The following TNIP3 variants were observed in gnomAD, a reference collection of about 807,000 sequenced individuals.
TNIP3 encodes TNFAIP3 interacting protein 3.
Under a neutral mutation model 54.1 loss-of-function variants are expected in TNIP3, and 34 were observed. The observed-to-expected ratio is 0.63, with a 90% CI of 0.48 to 0.84. The LOEUF (loss-of-function observed/expected upper bound fraction) is 0.84, where lower values mean the gene tolerates loss of function less well. TNIP3 is among the 40% of genes least tolerant of loss of function. The probability of loss-of-function intolerance (pLI) is 0.00; values close to 1 mark genes in which losing one functional copy is unlikely to be tolerated. For synonymous variants in TNIP3, 134 were observed against 136.8 expected (o/e 0.98, Z 0.14); for missense variants, 366 against 387.6 (o/e 0.94, Z 0.47).
chr4:121,150,128 G>A lies in TNIP3; in HGVS notation c.584C>T (p.Thr195Ile), dbSNP rs375269222. Residue 195 changes from threonine (T) to isoleucine (I), a missense_variant, in exon 6 of 11, where the codon ACA becomes ATA. Thr to Ile is a moderately conservative substitution (Grantham distance 89). Coordinates refer to ENST00000057513, the MANE Select transcript of TNIP3 (RefSeq NM_024873.6). ...CTGCTGCTTCAGAACTTCCATTTCTGTTCTCATCTCCTCATGGCAGAATTC... is the reference window on the plus strand; with the variant it reads ...CTGCTGCTTCAGAACTTCCATTTCTATTCTCATCTCCTCATGGCAGAATTC... ...RVEFCHEEMRTEMEVLKQQVQ... is the reference protein window; with the variant it reads ...RVEFCHEEMRIEMEVLKQQVQ... 9 of 1,613,280 alleles carry A rather than the reference G, an allele frequency of 5.6e-6. No homozygotes were observed. The African/African-American group carries it at 1.2e-4, about 22-fold the overall frequency.
intron 2 of TNIP3, among the ~76,000 whole-genome samples, chr4:121,194,937 G>A (rs1023023304): frequency 6.6e-6 from 1 of 152,176 alleles, no homozygotes; most frequent in Non-Finnish European, 1.5e-5. Context: ...GGAAGCCAAG[G>A]TGGGCGGATC....
At chr4:121,137,819 T>G (rs1728876444) in intron 10 of TNIP3, 9 of 394,818 alleles carry the variant, frequency 2.3e-5, no homozygotes, top group South Asian at 1.7e-4. Context: ...TAGATTCAAA[T>G]CTTTGGAAAT....
At chr4:121,143,241 A>G (rs1400960291) in intron 7 of TNIP3, among the ~76,000 whole-genome samples, 4 of 152,206 alleles carry the variant, frequency 2.6e-5, no homozygotes, top group Non-Finnish European at 4.4e-5. Flanking sequence ...TGAGAACACT[A>G]AGACATAAGA....
intron 7 of TNIP3, among the ~76,000 whole-genome samples, chr4:121,145,466 A>G (rs1315385236): frequency 2.0e-5 from 3 of 152,064 alleles, no homozygotes; most frequent in Non-Finnish European, 2.9e-5. Context: ...CAGGTGACAC[A>G]GTTAAGGACT....
At chr4:121,161,006 T>C (rs771098232) in intron 2 of TNIP3, 130 bp downstream of exon 2, 2 of 717,036 alleles carry the variant, frequency 2.8e-6, no homozygotes, top group African/African-American at 1.8e-5. Flanking sequence ...TTCAAAATAG[T>C]GCAGTCCAGT....
At chr4:121,151,166 C>A (rs912163860) in intron 5 of TNIP3, among the ~76,000 whole-genome samples, 1 of 152,036 alleles carries the variant, frequency 6.6e-6, no homozygotes, top group Non-Finnish European at 1.5e-5. Context: ...GCCTCAGAGA[C>A]CATAAAATGA....
intron 3 of TNIP3, among the ~76,000 whole-genome samples, chr4:121,181,624 G>GGTGTGTGTGTGT (rs3028475): frequency 3.2e-4 from 47 of 148,676 alleles, no homozygotes; most frequent in South Asian, 2.4e-3. Flanking sequence ...TAATAAGACA[G>GGTGTGTGTGTGT]GTGTGTGTGT....
intron 2 of TNIP3, among the ~76,000 whole-genome samples, chr4:121,202,320 T>C (rs552257854): frequency 1.3e-5 from 2 of 152,072 alleles, no homozygotes; most frequent in African/African-American, 2.4e-5. Flanking sequence ...GGGAAAGGAC[T>C]CCCTATTCAA....
chr4:121,136,856 C>CAA (rs1728814916), intron 10 of TNIP3, among the ~76,000 whole-genome samples: 1 of 92,174 alleles, frequency 1.1e-5, no homozygotes, highest in Non-Finnish European at 2.0e-5. Context: ...AGACTGTCTC[C>CAA]GAAAAAAAAA....
At chr4:121,147,325 T>A in intron 6 of TNIP3, 151 bp from the exon 7 acceptor site, 1 of 892,362 alleles carries the variant, frequency 1.1e-6, no homozygotes, top group Non-Finnish European at 1.6e-6. Flanking sequence ...AAGTCATCCA[T>A]CCCTAACACA....
At chr4:121,216,192 A>T (rs1040405720) in intron 2 of TNIP3, among the ~76,000 whole-genome samples, 9 of 152,238 alleles carry the variant, frequency 5.9e-5, no homozygotes, top group African/African-American at 2.2e-4. Context: ...AATTATCTTC[A>T]TAACCTACCA....
chr4:121,198,318 G>C (rs1189156970), intron 2 of TNIP3, among the ~76,000 whole-genome samples: 1 of 152,162 alleles, frequency 6.6e-6, no homozygotes, highest in Non-Finnish European at 1.5e-5. Flanking sequence ...ATTGCATTTA[G>C]AGAAGAAAAT....
At chr4:121,204,555 G>T (rs1044417134) in intron 2 of TNIP3, among the ~76,000 whole-genome samples, 2 of 152,130 alleles carry the variant, frequency 1.3e-5, no homozygotes, top group Admixed American at 1.3e-4. Flanking sequence ...ACTGAGACTT[G>T]TCTCAGATTT....
At chr4:121,222,142 C>G (rs541485944) in intron 1 of TNIP3, among the ~76,000 whole-genome samples, 123 of 152,234 alleles carry the variant, frequency 8.1e-4, no homozygotes, top group Middle Eastern at 6.8e-3. Flanking sequence ...TGCAATGTTG[C>G]TATATTGCTC....
chr4:121,131,713 A>C lies in TNIP3; in HGVS notation c.*918T>G, dbSNP rs1428236626. The stretch of plus-strand genomic sequence containing the variant: ...GCAGTGGCGATCTCAACTTACAGCA[A>C]CCTCTGCCTCCCTGGGCTCAAGTGA... On this transcript the variant is annotated 3_prime_UTR_variant, in exon 11 of 11. Coordinates refer to ENST00000057513, the MANE Select transcript of TNIP3 (RefSeq NM_024873.6). 6.6e-6 allele frequency: 1 copy of C among 150,516 alleles called. No homozygotes were observed. The highest frequency in any genetic ancestry group is 2.5e-5 in the African/African-American group (1 of 40,774). 9.3% of individuals were successfully genotyped at this position (150,516 alleles called of 1,614,324 possible).
chr4:121,142,898 A>C, intron 7 of TNIP3, 122 bp from the exon 8 acceptor site: 4 of 773,384 alleles, frequency 5.2e-6, no homozygotes, highest in Non-Finnish European at 4.2e-6. Context: ...AATAGCCACA[A>C]GTTGGTTTTT....
intron 4 of TNIP3, among the ~76,000 whole-genome samples, chr4:121,155,567 A>G (rs1212577968): frequency 9.9e-5 from 15 of 152,152 alleles, no homozygotes; most frequent in Admixed American, 9.8e-4. Flanking sequence ...TTAGATGACA[A>G]TCTAAAATTG....
At position 121,158,561 on chromosome 4, in the gene TNIP3, C is replaced by T. The variant is rs1255364249; in HGVS notation, c.213+126G>A. 5.0e-5 allele frequency: 38 copies of T among 760,672 alleles called. 1 individual carries two copies. The highest frequency in any genetic ancestry group is 2.3e-4 in the Middle Eastern group (1 of 4,404). The allele number at this position is 760,672 out of a possible 1,614,324, so 47.1% of individuals were successfully genotyped here. ...CCAATACTACACTTAGCACCCTTCC[C>T]GTCATTTTCCAACAGTTGGCTATCC... On this transcript the variant is annotated intron_variant, in intron 3 of 10. Transcript: ENST00000057513.
chr4:121,159,736 A>T (rs1246412970), intron 2 of TNIP3, among the ~76,000 whole-genome samples: 1 of 152,254 alleles, frequency 6.6e-6, no homozygotes, highest in Non-Finnish European at 1.5e-5. Flanking sequence ...TAATTTAAAG[A>T]TCTTAAGACT....
Sources: allele counts gnomAD v4.1 joint callset (sites outside exome capture counted in the v4.1 genomes callset), GRCh38; gene constraint gnomAD v4.1.1; transcripts MANE v1.5; gene names NCBI Gene and HGNC (gene_info 2026-07-23, HGNC 2026-07-21).